UMAD1: variants seen among roughly 807,000 people sequenced by gnomAD.
UMAD1 encodes the protein UBAP1-MVB12-associated (UMA) domain containing 1, also known as UBAP1-MVB12-associated (UMA)-domain containing protein 1.
UMAD1 carries 8 observed loss-of-function variants against 6.1 expected under a neutral mutation model. The observed-to-expected ratio is 1.30, with a 90% confidence interval of 0.76 to 2.35. The LOEUF is 2.35. Among genes scored for constraint, UMAD1 ranks in the 30% most tolerant of loss-of-function variants. The probability of loss-of-function intolerance (pLI) is 0.00; values close to 1 mark genes in which losing one functional copy is unlikely to be tolerated. For synonymous variants in UMAD1, 56 were observed against 31.4 expected (o/e 1.78, Z -2.61); for missense variants, 130 against 78.4 (o/e 1.66, Z -2.49).
At chr7:7,798,014 A>G (rs1441767033) in intron 2 of UMAD1, among the ~76,000 whole-genome samples, 1 of 152,202 alleles carries the variant, frequency 6.6e-6, no homozygotes, top group East Asian at 1.9e-4. Context: ...CCCGGAAATG[A>G]TGGAAGACAT....
At chr7:7,674,430 T>A (rs1329003078) in intron 2 of UMAD1, among the ~76,000 whole-genome samples, 3 of 152,236 alleles carry the variant, frequency 2.0e-5, no homozygotes, top group Non-Finnish European at 4.4e-5. Context: ...GGATAAACTT[T>A]ACTATAGAAT....
intron 2 of UMAD1, among the ~76,000 whole-genome samples, chr7:7,683,065 A>T (rs1384781378): frequency 6.6e-6 from 1 of 152,204 alleles, no homozygotes; most frequent in African/African-American, 2.4e-5. Flanking sequence ...ATGTACAGTG[A>T]AAGGCAATTG....
At chr7:7,750,039 AAT>A (rs1781648793) in intron 2 of UMAD1, among the ~76,000 whole-genome samples, 1 of 152,166 alleles carries the variant, frequency 6.6e-6, no homozygotes. Context: ...ATACTGCTAG[AAT>A]GGTGAGAAGC....
intron 2 of UMAD1, among the ~76,000 whole-genome samples, chr7:7,746,618 A>T (rs1251278395): frequency 6.6e-6 from 1 of 152,264 alleles, no homozygotes; most frequent in Non-Finnish European, 1.5e-5. Context: ...GAGCTACAGT[A>T]AAATTGGCCT....
intron 2 of UMAD1, among the ~76,000 whole-genome samples, chr7:7,696,143 C>A (rs756969032): frequency 1.4e-4 from 21 of 151,726 alleles, no homozygotes; most frequent in Non-Finnish European, 2.2e-4. Context: ...GTAGCTGGGA[C>A]TACAGGCATG....
intron 2 of UMAD1, among the ~76,000 whole-genome samples, chr7:7,785,786 G>C (rs957738954): frequency 1.3e-5 from 2 of 152,172 alleles, no homozygotes; most frequent in Non-Finnish European, 2.9e-5. Flanking sequence ...AGGGCAATTG[G>C]TGATGCTTTT....
intron 2 of UMAD1, among the ~76,000 whole-genome samples, chr7:7,729,809 C>T (rs4720752): frequency 0.11 from 17,184 of 152,156 alleles, 1,048 homozygotes; most frequent in African/African-American, 0.15. Context: ...TCACACAGAG[C>T]AGTGCTACCT....
intron 2 of UMAD1, among the ~76,000 whole-genome samples, chr7:7,740,184 T>A (rs1030282171): frequency 1.3e-5 from 2 of 152,234 alleles, no homozygotes; most frequent in Non-Finnish European, 2.9e-5. Flanking sequence ...CCTTTCCCCC[T>A]TTCTCTTTTA....
chr7:7,821,658 G>C (rs140350050), intron 3 of UMAD1, among the ~76,000 whole-genome samples: 1 of 152,296 alleles, frequency 6.6e-6, no homozygotes, highest in East Asian at 1.9e-4. Flanking sequence ...TGAAGCAGCT[G>C]TTCTTTGAAA....
intron 2 of UMAD1, among the ~76,000 whole-genome samples, chr7:7,790,478 A>G (rs995547061): frequency 2.5e-4 from 38 of 152,330 alleles, no homozygotes; most frequent in African/African-American, 8.7e-4. Flanking sequence ...CTGAGTTCAT[A>G]ACCCTAAACT....
intron 2 of UMAD1, among the ~76,000 whole-genome samples, chr7:7,707,350 G>A (rs374387081): frequency 4.6e-5 from 7 of 152,134 alleles, no homozygotes; most frequent in African/African-American, 7.2e-5. Context: ...TTGTAACTAC[G>A]GTACTTTTTG....
At chr7:7,768,586 G>A (rs904040495) in intron 2 of UMAD1, among the ~76,000 whole-genome samples, 11 of 151,972 alleles carry the variant, frequency 7.2e-5, no homozygotes, top group African/African-American at 2.7e-4. Context: ...CTGCTCTGGA[G>A]GAATTGCTGC....
chr7:7,770,418 A>G (rs569665820), intron 2 of UMAD1, among the ~76,000 whole-genome samples: 71 of 152,138 alleles, frequency 4.7e-4, no homozygotes, highest in African/African-American at 1.6e-3. Context: ...ACATTTCCCA[A>G]TCCCCGTTGG....
At chr7:7,700,448 G>A (rs1234141448) in intron 2 of UMAD1, among the ~76,000 whole-genome samples, 1 of 152,148 alleles carries the variant, frequency 6.6e-6, no homozygotes, top group Middle Eastern at 3.2e-3. Context: ...AAGTCAGGCT[G>A]GGTGCAGTGG....
At chr7:7,721,467 G>C (rs1781048084) in intron 2 of UMAD1, among the ~76,000 whole-genome samples, 1 of 152,206 alleles carries the variant, frequency 6.6e-6, no homozygotes, top group Non-Finnish European at 1.5e-5. Context: ...AGGGGATACT[G>C]CCATTAGGAG....
intron 2 of UMAD1, among the ~76,000 whole-genome samples, chr7:7,790,330 A>T (rs1782545206): frequency 6.6e-6 from 1 of 151,876 alleles, no homozygotes; most frequent in South Asian, 2.1e-4. Context: ...GCGGATGAAA[A>T]CTCTGTTCCC....
At chr7:7,756,715 T>C (rs527969635) in intron 2 of UMAD1, among the ~76,000 whole-genome samples, 16 of 152,352 alleles carry the variant, frequency 1.1e-4, no homozygotes, top group African/African-American at 2.9e-4. Flanking sequence ...TGGTTAGCAC[T>C]TTCTGCTGTG....
At chr7:7,757,640 T>G (rs1214728485) in intron 2 of UMAD1, among the ~76,000 whole-genome samples, 3 of 152,236 alleles carry the variant, frequency 2.0e-5, no homozygotes, top group Non-Finnish European at 4.4e-5. Context: ...CCATGTTGAT[T>G]ATTATCTGGA....
intron 3 of UMAD1, among the ~76,000 whole-genome samples, chr7:7,876,630 A>T (rs1220837347): frequency 6.6e-6 from 1 of 152,258 alleles, no homozygotes; most frequent in Non-Finnish European, 1.5e-5. Flanking sequence ...TTTATGACAT[A>T]ACAGGTTAGT....
Sources: allele counts gnomAD v4.1 joint callset (sites outside exome capture counted in the v4.1 genomes callset), GRCh38; gene constraint gnomAD v4.1.1; transcripts MANE v1.5; gene names NCBI Gene and HGNC (gene_info 2026-07-23, HGNC 2026-07-21).